CD28: variants seen among roughly 807,000 people sequenced by gnomAD.
CD28 encodes the protein T-cell-specific surface glycoprotein CD28.
In CD28, 8 loss-of-function variants were observed where a neutral mutation model predicts 21.4. The observed-to-expected ratio is 0.37, with a 90% CI of 0.22 to 0.68. The LOEUF is 0.68. Among genes scored for constraint, CD28 ranks in the 30% least tolerant of loss-of-function variants. The pLI is 0.55. For synonymous variants in CD28, 106 were observed against 104.0 expected (o/e 1.02, Z -0.12); for missense variants, 239 against 272.2 (o/e 0.88, Z 0.86).
At chr2:203,712,603 C>T (rs1693347848) in intron 1 of CD28, among the ~76,000 whole-genome samples, 1 of 152,168 alleles carries the variant, frequency 6.6e-6, no homozygotes, top group Admixed American at 6.5e-5. Context: ...CTTATTCATC[C>T]TTCTAACCTC....
chr2:203,734,872 C>CCCACCACGCGA lies in CD28; in HGVS notation c.624_625insCACCACGCGAC (p.Tyr209HisfsTer75). 1 of 1,614,230 alleles carries CCCACCACGCGA rather than the reference C, an allele frequency of 6.2e-7. No homozygotes were observed. Among genetic ancestry groups the CCCACCACGCGA allele is most frequent in the Non-Finnish European group, 8.5e-7 (1 of 1,180,032 alleles). ...GGGCCCACCCGCAAGCATTACCAGC[C>CCCACCACGCGA]CTATGCCCCACCACGCGACTTCGCA... On this transcript the variant is annotated frameshift_variant, in exon 4 of 4. Coordinates refer to ENST00000324106, the MANE Select transcript of CD28 (RefSeq NM_006139.4). LOFTEE classifies it high-confidence loss of function.
At position 203,736,493 on chromosome 2, in the gene CD28, T is replaced by C. The variant is rs1694040870; in HGVS notation, c.*1581T>C. 6.6e-6 allele frequency: 1 copy of C among 152,332 alleles called. No homozygotes were observed. The highest frequency in any genetic ancestry group is 2.4e-5 in the African/African-American group (1 of 41,432). The allele number at this position is 152,332 out of a possible 1,614,324, so 9.4% of individuals were successfully genotyped here. A position where few individuals can be genotyped will look rare whatever the true frequency, so the allele number is the denominator to read the frequency against. On this transcript the variant is annotated 3_prime_UTR_variant, in exon 4 of 4. Transcript: ENST00000324106. ...AGGTCCATTCACATGGGAAAGTATT[T>C]TGGAATGTGTCTTTTGAAGAGAGCA...
intron 1 of CD28, among the ~76,000 whole-genome samples, chr2:203,710,643 C>G (rs1429727952): frequency 2.6e-5 from 4 of 152,154 alleles, no homozygotes; most frequent in African/African-American, 4.8e-5. Flanking sequence ...TTCCTGCAAG[C>G]AGTGTGCTGA....
chr2:203,707,432 T>C (rs1693189684), intron 1 of CD28, among the ~76,000 whole-genome samples: 1 of 152,198 alleles, frequency 6.6e-6, no homozygotes, highest in South Asian at 2.1e-4. Flanking sequence ...GGCTTCAAGA[T>C]AAATGTGAAC....
chr2:203,725,783 A>C (rs377234374), intron 1 of CD28, among the ~76,000 whole-genome samples: 2 of 152,250 alleles, frequency 1.3e-5, no homozygotes, highest in African/African-American at 4.8e-5. Context: ...CAGAAAACAC[A>C]TTAAAGCAAA....
At chr2:203,717,495 C>T (rs1020002974) in intron 1 of CD28, among the ~76,000 whole-genome samples, 1 of 152,188 alleles carries the variant, frequency 6.6e-6, no homozygotes, top group Non-Finnish European at 1.5e-5. Context: ...CACTACCCCT[C>T]GTGGTTCTGC....
At chr2:203,729,832 T>C (rs1334636787) in intron 3 of CD28, 60 bp downstream of exon 3, 12 of 1,559,898 alleles carry the variant, frequency 7.7e-6, no homozygotes, top group Non-Finnish European at 1.0e-5. Flanking sequence ...TCTGAACACA[T>C]TCAAGAATTT....
chr2:203,710,851 C>T (rs1183943231), intron 1 of CD28, among the ~76,000 whole-genome samples: 1 of 152,182 alleles, frequency 6.6e-6, no homozygotes, highest in Admixed American at 6.5e-5. Context: ...CAGGTCATGG[C>T]AAGGGATAGA....
At chr2:203,718,251 TG>T (rs1039834334) in intron 1 of CD28, among the ~76,000 whole-genome samples, 2 of 152,198 alleles carry the variant, frequency 1.3e-5, no homozygotes, top group Non-Finnish European at 2.9e-5. Context: ...ACCACCGGGT[TG>T]TCTTGTGGGG....
intron 1 of CD28, among the ~76,000 whole-genome samples, chr2:203,714,303 T>C (rs754705875): frequency 2.6e-5 from 4 of 152,136 alleles, no homozygotes; most frequent in Non-Finnish European, 5.9e-5. Flanking sequence ...CAATGCACAC[T>C]ATGGCTAGGC....
chr2:203,725,496 A>G (rs1693720021), intron 1 of CD28, among the ~76,000 whole-genome samples: 1 of 152,054 alleles, frequency 6.6e-6, no homozygotes, highest in Non-Finnish European at 1.5e-5. Flanking sequence ...AAAGAAAAAA[A>G]AAAAGAAATA....
intron 1 of CD28, among the ~76,000 whole-genome samples, chr2:203,714,667 A>G (rs1332838212): frequency 6.6e-6 from 1 of 152,150 alleles, no homozygotes; most frequent in Non-Finnish European, 1.5e-5. Context: ...TTCTGGCTTA[A>G]AAGTGCTTCT....
At position 203,726,851 on chromosome 2, in the gene CD28, G is replaced by T; in HGVS notation, c.271G>T (p.Gly91Cys). The change falls in exon 2 of 4, where the codon GGC becomes TGC. Residue 91 changes from glycine to cysteine, a missense_variant. Gly to Cys is a radical substitution (Grantham distance 159, BLOSUM62 -3). This residue lies in a region of CD28 where 104 missense variants were observed against 108.5 expected (regional missense o/e 0.96). Transcript: ENST00000324106. ...GGGGTTCAACTGTGATGGGAAATTG[G>T]GCAATGAATCAGTGACATTCTACCT... ...KTGFNCDGKL[G>C]NESVTFYLQN... 6.2e-7 allele frequency: 1 copy of T among 1,614,028 alleles called. No homozygotes were observed. The highest frequency in any genetic ancestry group is 8.5e-7 in the Non-Finnish European group (1 of 1,179,984).
chr2:203,729,678 C>T lies in CD28; in HGVS notation c.440C>T (p.Pro147Leu). The change falls in exon 3 of 4, where the codon CCC becomes CTC. Residue 147 changes from proline to leucine, a missense_variant. This residue lies in a region of CD28 where 112 missense variants were observed against 112.8 expected (regional missense o/e 0.99). Transcript: ENST00000324106. ...CACCTTTGTCCAAGTCCCCTATTTCCCGGACCTTCTAAGCCCTTTTGGGTG... is the reference window on the plus strand; with the variant it reads ...CACCTTTGTCCAAGTCCCCTATTTCTCGGACCTTCTAAGCCCTTTTGGGTG... ...GKHLCPSPLF[P>L]GPSKPFWVLV... is the part of the protein sequence containing the mutation. 6.2e-7 allele frequency: 1 copy of T among 1,614,058 alleles called. No individual in the cohort carries two copies. The highest frequency in any genetic ancestry group is 8.5e-7 in the Non-Finnish European group (1 of 1,179,944).
At chr2:203,708,158 G>T (rs1215365529) in intron 1 of CD28, among the ~76,000 whole-genome samples, 2 of 152,144 alleles carry the variant, frequency 1.3e-5, no homozygotes, top group Non-Finnish European at 2.9e-5. Flanking sequence ...ATAGCCCAAA[G>T]AGTATAATTT....
Position 203,738,266 on chromosome 2 carries a change from G to A in CD28, c.*3354G>A, listed in dbSNP as rs766602273. 24 of 152,170 alleles carry A rather than the reference G, an allele frequency of 1.6e-4. No homozygotes were observed. The highest frequency in any genetic ancestry group is 2.6e-4 in the Non-Finnish European group (18 of 68,040). 9.4% of individuals were successfully genotyped at this position (152,170 alleles called of 1,614,324 possible). On this transcript the variant is annotated 3_prime_UTR_variant, in exon 4 of 4. Coordinates refer to ENST00000324106, the MANE Select transcript of CD28 (RefSeq NM_006139.4). ...TTAATGAGGGTATTGATGGTTAAAT[G>A]CATGTCTGATCCCTTATCCCAGCCA... is the stretch of plus-strand genomic sequence containing the variant.
At chr2:203,727,446 C>T (rs7598573) in intron 2 of CD28, among the ~76,000 whole-genome samples, 95 of 26,658 alleles carry the variant, frequency 3.6e-3, no homozygotes, top group African/African-American at 9.6e-3. Context: ...TCCTTCCTTC[C>T]TTCCTTCCTT....
intron 1 of CD28, 109 bp downstream of exon 1, chr2:203,706,857 T>C (rs1693170811): frequency 2.3e-6 from 2 of 861,616 alleles, no homozygotes; most frequent in South Asian, 1.5e-5. Context: ...ATTTGAAGTG[T>C]AGTTTTGCTG....
rs201905060 is a variant in CD28 at position 203,736,844 on chromosome 2, C to G, written c.*1932C>G. On this transcript the variant is annotated 3_prime_UTR_variant, in exon 4 of 4. Coordinates refer to ENST00000324106, the MANE Select transcript of CD28 (RefSeq NM_006139.4). ...TAGTATAATCTCCATAAGGGCATGGCCCAAGTCTGTCTTTGACTCTGCCTA... is the reference window on the plus strand; with the variant it reads ...TAGTATAATCTCCATAAGGGCATGGGCCAAGTCTGTCTTTGACTCTGCCTA... 8 of 152,186 alleles carry G rather than the reference C, an allele frequency of 5.3e-5. No homozygotes were observed. Among genetic ancestry groups the G allele is most frequent in the Non-Finnish European group, 8.8e-5 (6 of 68,034 alleles). The allele number at this position is 152,186 out of a possible 1,614,324, so 9.4% of individuals were successfully genotyped here.
Sources: gnomAD v4.1 joint callset for allele counts (sites outside exome capture counted in the v4.1 genomes callset) on GRCh38, gnomAD v4.1.1 for gene constraint, gnomAD v4.1.1 regional missense constraint, MANE v1.5 for transcripts, NCBI Gene and HGNC (gene_info 2026-07-23, HGNC 2026-07-21) for gene names.